Variants in GRM7 observed in about 807,000 individuals in gnomAD.
GRM7 encodes the protein metabotropic glutamate receptor 7.
In GRM7, 35 loss-of-function variants were observed where a neutral mutation model predicts 84.5. The observed-to-expected ratio is 0.41, with a 90% CI of 0.32 to 0.55. The LOEUF (loss-of-function observed/expected upper bound fraction) is 0.55. Among genes scored for constraint, GRM7 ranks in the 20% least tolerant of loss-of-function variants. The pLI, the probability that GRM7 is intolerant of heterozygous loss-of-function variation, is 0.19. For missense variants in GRM7, 1,003 were observed against 1,194.6 expected (o/e 0.84, Z 2.36); for synonymous variants, 487 against 455.1 (o/e 1.07, Z -0.89).
chr3:7,625,414 T>C (rs1449717966), intron 8 of GRM7, among the ~76,000 whole-genome samples: 1 of 151,850 alleles, frequency 6.6e-6, no homozygotes, highest in Non-Finnish European at 1.5e-5. Context: ...AATGAAAAAA[T>C]TTTACAAGCC....
At chr3:7,620,429 T>A (rs750062488) in intron 8 of GRM7, among the ~76,000 whole-genome samples, 6 of 152,132 alleles carry the variant, frequency 3.9e-5, no homozygotes, top group Non-Finnish European at 8.8e-5. Context: ...GATTAAATAT[T>A]AAGTGAATGT....
At chr3:7,578,325 A>G (rs2125052280) in intron 7 of GRM7, 97 bp from the exon 8 acceptor site, 2 of 749,212 alleles carry the variant, frequency 2.7e-6, no homozygotes, top group Non-Finnish European at 4.4e-6. Flanking sequence ...CTCATGCCTC[A>G]TATGTCACTT....
intron 2 of GRM7, among the ~76,000 whole-genome samples, chr3:7,180,069 A>G (rs563179757): frequency 1.3e-5 from 2 of 152,286 alleles, no homozygotes; most frequent in East Asian, 3.9e-4. Flanking sequence ...TTCTTTTATT[A>G]GCATCTGACT....
rs577417077 is a variant in GRM7, at chr3:7,725,382, T to C, written c.2699-14975T>C. On this transcript the variant is annotated intron_variant, in intron 9 of 9. Transcript: ENST00000357716. Reference sequence around the variant, plus strand: ...GTGGATACTTTTGGCCTGGGTTTTATGTAGAAGTAACTCTGTATGAGCTTT... The same window carrying C: ...GTGGATACTTTTGGCCTGGGTTTTACGTAGAAGTAACTCTGTATGAGCTTT... 3.3e-5 allele frequency among the ~76,000 whole-genome samples: 5 copies of C among 152,292 alleles called. No homozygotes were observed. The South Asian group carries it at 1.0e-3, about 32-fold the overall frequency.
Position 6,861,322 on chromosome 3 carries a change from C to G in GRM7, c.-67C>G. 2 of 1,380,084 alleles carry G rather than the reference C, an allele frequency of 1.4e-6. No individual in the cohort carries two copies. Among genetic ancestry groups the G allele is most frequent in the Non-Finnish European group, 9.4e-7 (1 of 1,059,938 alleles). 85.5% of individuals were successfully genotyped at this position (1,380,084 alleles called of 1,614,324 possible). A position where few individuals can be genotyped will look rare whatever the true frequency, so the allele number is the denominator to read the frequency against. On this transcript the variant is annotated 5_prime_UTR_variant, in exon 1 of 10. Transcript: ENST00000357716. The surrounding 1 kb of genome is among the most constrained non-coding windows in gnomAD (Gnocchi z 6.4). ...CCGGAGGAGCTCGCCCTGAAGGGCC[C>G]GGACCTCGGCGAGCCCACCACCGTT...
intron 1 of GRM7, among the ~76,000 whole-genome samples, chr3:6,927,376 C>A (rs545384425): frequency 1.3e-5 from 2 of 151,026 alleles, no homozygotes; most frequent in Non-Finnish European, 2.9e-5. Flanking sequence ...TGCAGTGAGC[C>A]GAGATCATGC....
chr3:7,426,277 G>A (rs768893789), intron 5 of GRM7, among the ~76,000 whole-genome samples: 2 of 151,954 alleles, frequency 1.3e-5, no homozygotes. Context: ...GCGCCACCAC[G>A]CCCTGCTAAT....
Position 7,110,822 on chromosome 3 carries a change from C to T in GRM7, c.520-35630C>T, listed in dbSNP as rs143196554. Among the ~76,000 whole-genome samples the T allele has an allele frequency of 7.9e-5, 12 of 152,048 alleles. No homozygotes were observed. In the East Asian group the frequency reaches 2.3e-3, roughly 30 times the overall value. ...GTAAATTAGCAACATCAAGGTTTGA[C>T]AAGATCTGCAGTGGAGGTGTGTATA... On this transcript the variant is annotated intron_variant, in intron 1 of 9. Transcript: ENST00000357716.
intron 1 of GRM7, among the ~76,000 whole-genome samples, chr3:6,891,044 A>G (rs1286223276): frequency 6.6e-6 from 1 of 152,272 alleles, no homozygotes; most frequent in Admixed American, 6.5e-5. Flanking sequence ...ATCAGAGGCT[A>G]GGATTGCAAC....
At chr3:7,122,803 C>G (rs1693268724) in intron 1 of GRM7, among the ~76,000 whole-genome samples, 1 of 152,152 alleles carries the variant, frequency 6.6e-6, no homozygotes, top group African/African-American at 2.4e-5. Flanking sequence ...ACACAAATAA[C>G]TTTTCAAAAA....
intron 8 of GRM7, among the ~76,000 whole-genome samples, chr3:7,665,283 T>C (rs1699643906): frequency 6.6e-6 from 1 of 151,116 alleles, no homozygotes; most frequent in Middle Eastern, 3.2e-3. Flanking sequence ...GCCATTCTCC[T>C]GCCTCAGCCT....
At chr3:7,654,096 C>T (rs1188547839) in intron 8 of GRM7, among the ~76,000 whole-genome samples, 6 of 151,752 alleles carry the variant, frequency 4.0e-5, no homozygotes, top group African/African-American at 1.5e-4. Flanking sequence ...TCAAATTCTC[C>T]CCTCACTTCC....
At chr3:7,475,460 T>TA (rs1227846527) in intron 7 of GRM7, among the ~76,000 whole-genome samples, 1 of 152,174 alleles carries the variant, frequency 6.6e-6, no homozygotes, top group Non-Finnish European at 1.5e-5. Context: ...TCCTGATAAT[T>TA]ATTTTTTTTT....
chr3:7,283,156 C>T (rs1327140289), intron 2 of GRM7, among the ~76,000 whole-genome samples: 1 of 151,996 alleles, frequency 6.6e-6, no homozygotes, highest in Non-Finnish European at 1.5e-5. Flanking sequence ...ATGGTGAAGA[C>T]CATGGGTCTA....
At chr3:7,605,563 A>T (rs1696522975) in intron 8 of GRM7, among the ~76,000 whole-genome samples, 1 of 152,148 alleles carries the variant, frequency 6.6e-6, no homozygotes, top group Non-Finnish European at 1.5e-5. Flanking sequence ...CTAGCATACT[A>T]AGAATACAGC....
intron 1 of GRM7, among the ~76,000 whole-genome samples, chr3:6,899,893 G>A (rs558365445): frequency 3.3e-5 from 5 of 152,226 alleles, no homozygotes; most frequent in African/African-American, 1.2e-4. Flanking sequence ...AATTAGAGGT[G>A]TGTGTGTGAC....
chr3:6,934,314 C>G (rs1342041889), intron 1 of GRM7, among the ~76,000 whole-genome samples: 1 of 152,054 alleles, frequency 6.6e-6, no homozygotes, highest in Non-Finnish European at 1.5e-5. Flanking sequence ...TTTCATTCAC[C>G]ATTTCACAAT....
chr3:7,574,079 G>C (rs2125048934), intron 7 of GRM7, among the ~76,000 whole-genome samples: 1 of 151,696 alleles, frequency 6.6e-6, no homozygotes, highest in African/African-American at 2.4e-5. Flanking sequence ...TTTTTAATCT[G>C]TCTTTTTGTC....
chr3:7,237,887 G>C (rs1697405195), intron 2 of GRM7, among the ~76,000 whole-genome samples: 1 of 152,062 alleles, frequency 6.6e-6, no homozygotes, highest in South Asian at 2.1e-4. Context: ...CCTTTAGCTA[G>C]ACACAGAGTG....
Sources: allele counts gnomAD v4.1 joint callset (sites outside exome capture counted in the v4.1 genomes callset), GRCh38; gene constraint gnomAD v4.1.1; non-coding constraint Gnocchi (gnomAD v3.1); transcripts MANE v1.5; gene names NCBI Gene and HGNC (gene_info 2026-07-23, HGNC 2026-07-21).